LINGO2: variants seen among roughly 807,000 people sequenced by gnomAD.
The protein encoded by LINGO2 is leucine-rich repeat and immunoglobulin-like domain-containing nogo receptor-interacting protein 2.
LINGO2 carries 14 observed loss-of-function variants against 30.6 expected under a neutral mutation model. The observed-to-expected ratio is 0.46, with a 90% CI of 0.30 to 0.72. The LOEUF is 0.72. Ranked by LOEUF, LINGO2 falls within the 30% of genes least tolerant of loss-of-function variation. The pLI, the probability that LINGO2 is intolerant of heterozygous loss-of-function variation, is 0.07. For synonymous variants in LINGO2, 317 were observed against 288.5 expected, an observed-to-expected ratio of 1.10 and a Z score of -1.00; for missense variants, 729 against 751.7, an observed-to-expected ratio of 0.97 and a Z score of 0.35.
chr9:29,030,059 A>C, the LINGO2 span, among the ~76,000 whole-genome samples: 1 of 152,102 alleles, frequency 6.6e-6, no homozygotes, highest in African/African-American at 2.4e-5. Flanking sequence ...GTTATCTTTC[A>C]GGAAAAAAAG....
At chr9:27,967,667 A>G (rs988107779) in intron 5 of LINGO2, among the ~76,000 whole-genome samples, 1 of 152,206 alleles carries the variant, frequency 6.6e-6, no homozygotes, top group African/African-American at 2.4e-5. Context: ...ATCTATTTAT[A>G]TCAACTATCT....
chr9:28,246,087 C>G (rs1821988146), intron 4 of LINGO2, among the ~76,000 whole-genome samples: 1 of 152,068 alleles, frequency 6.6e-6, no homozygotes, highest in Non-Finnish European at 1.5e-5. Flanking sequence ...GGTACTGGTA[C>G]CAAAACAGAC....
chr9:28,979,550 C>T, the LINGO2 span, among the ~76,000 whole-genome samples: 5 of 152,024 alleles, frequency 3.3e-5, no homozygotes, highest in African/African-American at 9.7e-5. Flanking sequence ...TTGAAATACT[C>T]AAGGCCCCGT....
the LINGO2 span, among the ~76,000 whole-genome samples, chr9:29,012,840 A>T: frequency 6.6e-6 from 1 of 152,184 alleles, no homozygotes; most frequent in Non-Finnish European, 1.5e-5. Flanking sequence ...AAAGTGGTTA[A>T]ATCTACCCAT....
the LINGO2 span, among the ~76,000 whole-genome samples, chr9:28,796,605 T>C: frequency 1.3e-5 from 2 of 152,092 alleles, no homozygotes; most frequent in African/African-American, 4.8e-5. Flanking sequence ...AATTAGCATA[T>C]TTCATTAAGT....
intron 4 of LINGO2, among the ~76,000 whole-genome samples, chr9:28,277,635 C>A (rs756276271): frequency 1.9e-4 from 29 of 152,006 alleles, no homozygotes; most frequent in Non-Finnish European, 3.2e-4. Context: ...GAAACCCTGT[C>A]TCTACTAAAA....
At chr9:28,029,882 T>A (rs530548206) in intron 4 of LINGO2, among the ~76,000 whole-genome samples, 1 of 152,318 alleles carries the variant, frequency 6.6e-6, no homozygotes, top group Non-Finnish European at 1.5e-5. Context: ...GGATCAAGGT[T>A]ATAGGTCAGA....
intron 4 of LINGO2, among the ~76,000 whole-genome samples, chr9:28,040,175 A>C (rs1257669234): frequency 6.6e-6 from 1 of 152,036 alleles, no homozygotes; most frequent in Non-Finnish European, 1.5e-5. Flanking sequence ...TTTTGCTGCT[A>C]TTAGCAAAAC....
chr9:28,606,182 T>C (rs1304694578), intron 1 of LINGO2, among the ~76,000 whole-genome samples: 24 of 151,974 alleles, frequency 1.6e-4, no homozygotes, highest in Admixed American at 1.6e-3. Context: ...CGTGACAACA[T>C]AAATAGGGAC....
chr9:28,462,615 T>C (rs1587707160), intron 2 of LINGO2, among the ~76,000 whole-genome samples: 1 of 151,972 alleles, frequency 6.6e-6, no homozygotes, highest in Non-Finnish European at 1.5e-5. Flanking sequence ...TACATATAAA[T>C]GATTTTTTAG....
rs990977112 is a variant in LINGO2 at position 28,241,497 on chromosome 9, C to G, written c.-87+53711G>C. 2.0e-5 allele frequency among the ~76,000 whole-genome samples: 3 copies of G among 152,076 alleles called. No individual in the cohort carries two copies. In the South Asian group the frequency reaches 6.2e-4, roughly 32 times the overall value. On this transcript the variant is annotated intron_variant, in intron 4 of 5. Coordinates refer to ENST00000379992, the Ensembl canonical transcript of LINGO2. ...GGAAGGAAGGGCAGTGTGGTGCAGC[C>G]GCCCACCTGAGAGCCACAGGGGGCA... is the stretch of plus-strand genomic sequence containing the variant.
At chr9:29,162,875 C>T in the LINGO2 span, among the ~76,000 whole-genome samples, 1 of 152,048 alleles carries the variant, frequency 6.6e-6, no homozygotes, top group African/African-American at 2.4e-5. Context: ...AAGAATTTTA[C>T]CCCAAAGATT....
chr9:28,550,890 A>T (rs1822245006), intron 1 of LINGO2, among the ~76,000 whole-genome samples: 1 of 151,924 alleles, frequency 6.6e-6, no homozygotes. Flanking sequence ...TGGATTACAT[A>T]TTCCTATGGT....
chr9:28,195,535 T>TA (rs1224757237), intron 4 of LINGO2, among the ~76,000 whole-genome samples: 1 of 150,428 alleles, frequency 6.6e-6, no homozygotes, highest in Non-Finnish European at 1.5e-5. Context: ...ATCATAATTA[T>TA]AATAATAATT....
the LINGO2 span, among the ~76,000 whole-genome samples, chr9:28,790,739 T>C: frequency 6.6e-6 from 1 of 152,184 alleles, no homozygotes; most frequent in Non-Finnish European, 1.5e-5. Flanking sequence ...ACTTTTATTA[T>C]AGTATATTGT....
chr9:29,170,432 A>T, the LINGO2 span, among the ~76,000 whole-genome samples: 1 of 152,116 alleles, frequency 6.6e-6, no homozygotes, highest in African/African-American at 2.4e-5. Context: ...AATAACAGAC[A>T]TAGGAGACTA....
chr9:28,564,400 T>G (rs1823258780), intron 1 of LINGO2, among the ~76,000 whole-genome samples: 1 of 152,034 alleles, frequency 6.6e-6, no homozygotes, highest in Non-Finnish European at 1.5e-5. Context: ...AAATAAATAA[T>G]CCAGTTTACT....
chr9:28,155,821 C>A (rs1828117443), intron 4 of LINGO2, among the ~76,000 whole-genome samples: 1 of 152,042 alleles, frequency 6.6e-6, no homozygotes, highest in Non-Finnish European at 1.5e-5. Flanking sequence ...ATAAAATAGA[C>A]CATAGGAAGT....
the LINGO2 span, among the ~76,000 whole-genome samples, chr9:28,865,654 T>C: frequency 6.6e-6 from 1 of 152,052 alleles, no homozygotes; most frequent in South Asian, 2.1e-4. Context: ...CATAGTGGCT[T>C]GCGCCTGTAG....
Sources: allele counts gnomAD v4.1 joint callset (sites outside exome capture counted in the v4.1 genomes callset), GRCh38; gene constraint gnomAD v4.1.1; transcripts MANE v1.5; gene names NCBI Gene and HGNC (gene_info 2026-07-23, HGNC 2026-07-21).